The following ERBB4 variants were observed in gnomAD, a reference collection of about 807,000 sequenced individuals.
ERBB4 encodes erb-b2 receptor tyrosine kinase 4, also known as receptor tyrosine-protein kinase erbB-4.
A neutral mutation model predicts 158.0 loss-of-function variants in ERBB4; 42 were observed. The observed-to-expected ratio is 0.27, with a 90% CI of 0.21 to 0.34. The LOEUF is 0.34. ERBB4 is among the 10% of genes least tolerant of loss of function. The pLI is 1.00. For missense variants in ERBB4, 1,333 were observed against 1,624.1 expected, an observed-to-expected ratio of 0.82 and a Z score of 3.08; for synonymous variants, 583 against 558.7, an observed-to-expected ratio of 1.04 and a Z score of -0.61.
intron 1 of ERBB4, among the ~76,000 whole-genome samples, chr2:212,152,124 T>G (rs2080892757): frequency 6.6e-6 from 1 of 152,158 alleles, no homozygotes; most frequent in Non-Finnish European, 1.5e-5. Flanking sequence ...TTTTAAATAT[T>G]TAAATCTGTT....
intron 25 of ERBB4, among the ~76,000 whole-genome samples, chr2:211,407,052 C>T (rs901969281): frequency 6.6e-6 from 1 of 151,958 alleles, no homozygotes; most frequent in African/African-American, 2.4e-5. Context: ...TGTACTCTGG[C>T]CTGAGTGTCA....
At chr2:212,393,537 A>G (rs2090940448) in intron 1 of ERBB4, among the ~76,000 whole-genome samples, 1 of 152,104 alleles carries the variant, frequency 6.6e-6, no homozygotes, top group African/African-American at 2.4e-5. Flanking sequence ...CACCTTATTT[A>G]CATTACTTCA....
intron 22 of ERBB4, among the ~76,000 whole-genome samples, chr2:211,426,606 A>AAAAG (rs1225028327): frequency 3.3e-5 from 5 of 152,076 alleles, no homozygotes; most frequent in African/African-American, 1.2e-4. Flanking sequence ...GATTTTCCCC[A>AAAAG]AAAGACAAAT....
At chr2:212,003,212 A>AGAAAGAAAGAAG (rs2076173198) in intron 2 of ERBB4, among the ~76,000 whole-genome samples, 3 of 40,484 alleles carry the variant, frequency 7.4e-5, no homozygotes, top group Admixed American at 3.0e-4. Flanking sequence ...AAAGACAGAA[A>AGAAAGAAAGAAG]GAAGGAAGGA....
chr2:211,977,547 A>AAAAAAAAAAT (rs2081647062), intron 2 of ERBB4, among the ~76,000 whole-genome samples: 1 of 149,490 alleles, frequency 6.7e-6, no homozygotes, highest in Non-Finnish European at 1.5e-5. Flanking sequence ...AAAAAAAAAA[A>AAAAAAAAAAT]AGTAACTTGG....
chr2:212,276,286 C>CTGTT (rs2085532636), intron 1 of ERBB4, among the ~76,000 whole-genome samples: 1 of 151,680 alleles, frequency 6.6e-6, no homozygotes, highest in African/African-American at 2.4e-5. Context: ...CTTTAGATAT[C>CTGTT]TGTTCATAAA....
At chr2:211,824,059 T>G (rs1371250955) in intron 3 of ERBB4, among the ~76,000 whole-genome samples, 1 of 152,036 alleles carries the variant, frequency 6.6e-6, no homozygotes, top group Non-Finnish European at 1.5e-5. Context: ...CATGGAGTGT[T>G]CTCACACAAT....
At chr2:212,286,594 CTTT>C (rs71054190) in intron 1 of ERBB4, among the ~76,000 whole-genome samples, 72 of 55,524 alleles carry the variant, frequency 1.3e-3, no homozygotes, top group Admixed American at 3.3e-3. Context: ...TAAGTGCTGA[CTTT>C]TTTTTTTTTT....
At chr2:211,670,056 G>A (rs2071779606) in intron 14 of ERBB4, among the ~76,000 whole-genome samples, 1 of 152,168 alleles carries the variant, frequency 6.6e-6, no homozygotes, top group Non-Finnish European at 1.5e-5. Context: ...TCAGGAATGG[G>A]ATTTCCAAAT....
chr2:212,464,718 A>G (rs1477418322), intron 1 of ERBB4, among the ~76,000 whole-genome samples: 1 of 152,104 alleles, frequency 6.6e-6, no homozygotes, highest in African/African-American at 2.4e-5. Context: ...TTGACCCCAA[A>G]TAAGTTTTGT....
chr2:212,190,324 C>T (rs1044566013), intron 1 of ERBB4, among the ~76,000 whole-genome samples: 1 of 152,256 alleles, frequency 6.6e-6, no homozygotes, highest in African/African-American at 2.4e-5. Context: ...ATCACGAGGT[C>T]AGGAGATCCA....
At chr2:211,472,804 G>A (rs114261655) in intron 20 of ERBB4, among the ~76,000 whole-genome samples, 393 of 151,932 alleles carry the variant, frequency 2.6e-3, no homozygotes, top group Middle Eastern at 0.017. Flanking sequence ...AATCACCTAC[G>A]GAAATTAAAG....
At chr2:211,568,267 G>A (rs556782200) in intron 19 of ERBB4, among the ~76,000 whole-genome samples, 2 of 151,530 alleles carry the variant, frequency 1.3e-5, no homozygotes, top group East Asian at 3.9e-4. Context: ...GTGTAAATAA[G>A]GTCTTTTTAA....
At chr2:211,788,273 G>A in intron 3 of ERBB4, 114 bp from the exon 4 acceptor site, 2 of 734,704 alleles carry the variant, frequency 2.7e-6, no homozygotes, top group Non-Finnish European at 4.7e-6. Context: ...GAGTCATGTT[G>A]CTAATAGCCA....
At chr2:212,387,079 A>G (rs2090700340) in intron 1 of ERBB4, among the ~76,000 whole-genome samples, 1 of 152,122 alleles carries the variant, frequency 6.6e-6, no homozygotes, top group African/African-American at 2.4e-5. Context: ...TCTAGTATTA[A>G]AAATCAAGCA....
chr2:212,194,137 A>G (rs1255253941), intron 1 of ERBB4, among the ~76,000 whole-genome samples: 2 of 152,098 alleles, frequency 1.3e-5, no homozygotes, highest in Admixed American at 1.3e-4. Context: ...CATGCAAAGC[A>G]ATAAAAGCTG....
At chr2:212,050,354 T>A (rs1029724641) in intron 2 of ERBB4, among the ~76,000 whole-genome samples, 4 of 152,308 alleles carry the variant, frequency 2.6e-5, no homozygotes, top group East Asian at 3.9e-4. Context: ...AGTCACATTA[T>A]CATTTTAGCT....
rs542085826 is a variant in ERBB4, at chr2:211,401,247, A to G, written c.3136-13255T>C. Among the ~76,000 whole-genome samples, 3 of 152,234 alleles carry G rather than the reference A, an allele frequency of 2.0e-5. No homozygotes were observed. In the East Asian group the frequency reaches 5.8e-4, roughly 29 times the overall value. ...CTAAAATAAATGAACTGAATGATCTAACAGTAGAGATTATGATAACTGAAA... is the reference window on the plus strand; with the variant it reads ...CTAAAATAAATGAACTGAATGATCTGACAGTAGAGATTATGATAACTGAAA... On this transcript the variant is annotated intron_variant, in intron 25 of 27. Transcript: ENST00000342788.
chr2:211,435,821 T>C (rs969775152), intron 20 of ERBB4, among the ~76,000 whole-genome samples: 1 of 152,222 alleles, frequency 6.6e-6, no homozygotes, highest in Non-Finnish European at 1.5e-5. Context: ...AACTAATGCA[T>C]GGTAGAAGTT....
Sources: allele counts gnomAD v4.1 joint callset (sites outside exome capture counted in the v4.1 genomes callset), GRCh38; gene constraint gnomAD v4.1.1; transcripts MANE v1.5; gene names NCBI Gene and HGNC (gene_info 2026-07-23, HGNC 2026-07-21).